The following NRG3 variants were observed in gnomAD, a reference collection of about 807,000 sequenced individuals.
NRG3 encodes pro-neuregulin-3, membrane-bound isoform.
Under a neutral mutation model 66.9 loss-of-function variants are expected in NRG3, and 31 were observed. That is an observed-to-expected ratio of 0.46 (90% CI 0.35 to 0.63). NRG3 has a LOEUF of 0.63. NRG3 is among the 20% of genes least tolerant of loss of function. NRG3 has a pLI of 0.00. For missense variants in NRG3, 910 were observed against 878.9 expected (o/e 1.04, Z -0.45); for synonymous variants, 393 against 359.4 (o/e 1.09, Z -1.06).
intron 1 of NRG3, among the ~76,000 whole-genome samples, chr10:82,330,161 C>T (rs2082074541): frequency 6.6e-6 from 1 of 152,028 alleles, no homozygotes; most frequent in Non-Finnish European, 1.5e-5. Context: ...ATATTTATTT[C>T]CCTGGGCTAA....
intron 2 of NRG3, among the ~76,000 whole-genome samples, chr10:82,513,046 A>G (rs1173309052): frequency 6.6e-6 from 1 of 152,148 alleles, no homozygotes; most frequent in African/African-American, 2.4e-5. Context: ...TGCACCTATC[A>G]ACCGGTCACC....
intron 1 of NRG3, among the ~76,000 whole-genome samples, chr10:82,096,237 GA>G (rs1452075612): frequency 1.3e-5 from 2 of 152,172 alleles, no homozygotes; most frequent in African/African-American, 4.8e-5. Flanking sequence ...AGCACTTTGG[GA>G]GGCTGAGGTG....
intron 1 of NRG3, among the ~76,000 whole-genome samples, chr10:82,283,792 C>T (rs2079253895): frequency 6.6e-6 from 1 of 152,112 alleles, no homozygotes; most frequent in African/African-American, 2.4e-5. Flanking sequence ...TCTCGAGTCC[C>T]AATTCACAAA....
intron 1 of NRG3, among the ~76,000 whole-genome samples, chr10:82,229,558 G>T (rs894383569): frequency 6.6e-6 from 1 of 152,180 alleles, no homozygotes; most frequent in Non-Finnish European, 1.5e-5. Context: ...TCACAGTTCT[G>T]CATTGCTTGG....
At chr10:82,831,656 A>G (rs1055350076) in intron 3 of NRG3, among the ~76,000 whole-genome samples, 5 of 152,162 alleles carry the variant, frequency 3.3e-5, no homozygotes, top group Non-Finnish European at 7.3e-5. Flanking sequence ...TCTACTAAAA[A>G]TACAAAAATT....
intron 2 of NRG3, among the ~76,000 whole-genome samples, chr10:82,721,194 T>G (rs1282873251): frequency 7.9e-6 from 1 of 126,712 alleles, no homozygotes; most frequent in Non-Finnish European, 1.6e-5. Context: ...TGCAGTAGCG[T>G]GATCTCCGCT....
chr10:82,075,183 T>G (rs1837785208), intron 1 of NRG3, among the ~76,000 whole-genome samples: 1 of 152,238 alleles, frequency 6.6e-6, no homozygotes, highest in Admixed American at 6.5e-5. Context: ...TCATGACATT[T>G]ATTTATTTTG....
intron 1 of NRG3, among the ~76,000 whole-genome samples, chr10:82,192,763 A>G (rs2074227246): frequency 6.6e-6 from 1 of 152,196 alleles, no homozygotes; most frequent in South Asian, 2.1e-4. Flanking sequence ...ATCTAGGGGA[A>G]AAATGCAGAG....
intron 3 of NRG3, among the ~76,000 whole-genome samples, chr10:82,809,379 T>C (rs1017267955): frequency 1.3e-5 from 2 of 150,764 alleles, no homozygotes; most frequent in East Asian, 3.9e-4. Context: ...AAAATATATA[T>C]TATATTTATA....
chr10:81,926,664 C>T (rs1589482069), intron 1 of NRG3, among the ~76,000 whole-genome samples: 1 of 152,164 alleles, frequency 6.6e-6, no homozygotes, highest in African/African-American at 2.4e-5. Context: ...GGAAGTCCTA[C>T]TTATTAACCC....
chr10:82,470,501 A>C (rs1021504876), intron 2 of NRG3, among the ~76,000 whole-genome samples: 11 of 152,232 alleles, frequency 7.2e-5, no homozygotes, highest in Non-Finnish European at 5.9e-5. Context: ...GAAATCATGG[A>C]GAGTTCAATA....
intron 2 of NRG3, among the ~76,000 whole-genome samples, chr10:82,398,520 TGTGTGTGAGAGAGA>T (rs1475003443): frequency 4.1e-4 from 52 of 125,588 alleles, no homozygotes; most frequent in African/African-American, 1.7e-3. Context: ...TGTGTGTGTG[TGTGTGTGAGAGAGA>T]GAGAGAGAGA....
At chr10:82,932,555 A>C (rs1592004526) in intron 4 of NRG3, among the ~76,000 whole-genome samples, 1 of 152,038 alleles carries the variant, frequency 6.6e-6, no homozygotes, top group African/African-American at 2.4e-5. Flanking sequence ...CATAAAGAAC[A>C]TGTTGGATCT....
chr10:82,780,578 T>G (rs2060084435), intron 3 of NRG3, among the ~76,000 whole-genome samples: 1 of 151,906 alleles, frequency 6.6e-6, no homozygotes, highest in African/African-American at 2.4e-5. Flanking sequence ...GCTGGTATGT[T>G]GAGAGACTCT....
At chr10:82,052,413 A>G (rs1382349239) in intron 1 of NRG3, among the ~76,000 whole-genome samples, 2 of 152,146 alleles carry the variant, frequency 1.3e-5, no homozygotes, top group Non-Finnish European at 2.9e-5. Flanking sequence ...CCACATTCCA[A>G]GAACTGCACT....
At chr10:82,724,564 C>A (rs2134558217) in intron 2 of NRG3, among the ~76,000 whole-genome samples, 2 of 152,254 alleles carry the variant, frequency 1.3e-5, no homozygotes, top group East Asian at 3.9e-4. Context: ...GTAGAAAAAT[C>A]ATGTTTCATG....
intron 3 of NRG3, among the ~76,000 whole-genome samples, chr10:82,855,593 T>C (rs1370803030): frequency 6.6e-6 from 1 of 152,132 alleles, no homozygotes; most frequent in Non-Finnish European, 1.5e-5. Flanking sequence ...AAATGGAGTT[T>C]AGTTATGTTG....
At chr10:82,641,251 T>C (rs1256280605) in intron 2 of NRG3, among the ~76,000 whole-genome samples, 3 of 152,134 alleles carry the variant, frequency 2.0e-5, no homozygotes, top group African/African-American at 7.2e-5. Flanking sequence ...CCAAATAAAG[T>C]CTTTGTGAAT....
At chr10:82,752,807 G>T (rs143817169) in intron 3 of NRG3, among the ~76,000 whole-genome samples, 3 of 152,210 alleles carry the variant, frequency 2.0e-5, no homozygotes, top group African/African-American at 4.8e-5. Flanking sequence ...AAGTACAAGG[G>T]CCTTTTACCT....
Sources: allele counts gnomAD v4.1 joint callset (sites outside exome capture counted in the v4.1 genomes callset), GRCh38; gene constraint gnomAD v4.1.1; transcripts MANE v1.5; gene names NCBI Gene and HGNC (gene_info 2026-07-23, HGNC 2026-07-21).